Variants in SLC19A3 observed in about 807,000 individuals in gnomAD.
SLC19A3 encodes solute carrier family 19 member 3, also known as thiamine transporter 2.
A neutral mutation model predicts 40.2 loss-of-function variants in SLC19A3; 31 were observed. The observed-to-expected ratio is 0.77, with a 90% CI of 0.58 to 1.04. The LOEUF is 1.04. SLC19A3 is among the 50% of genes least tolerant of loss of function. The pLI is 0.00. For synonymous variants in SLC19A3, 212 were observed against 227.5 expected, an observed-to-expected ratio of 0.93 and a Z score of 0.61; for missense variants, 592 against 596.7, an observed-to-expected ratio of 0.99 and a Z score of 0.08.
At chr2:227,696,156 A>T in intron 3 of SLC19A3, 75 bp from the exon 4 acceptor site, 1 of 1,424,072 alleles carries the variant, frequency 7.0e-7, no homozygotes, top group South Asian at 1.2e-5. Context: ...TCTCTTAAAA[A>T]CCCAGGTCTC....
At position 227,714,451 on chromosome 2, in the gene SLC19A3, GT is replaced by G. The variant is rs1211949590; in HGVS notation, c.-3+3491del. 20 of 985,362 alleles carry G rather than the reference GT, an allele frequency of 2.0e-5. No homozygotes were observed. The South Asian group carries it at 6.6e-4, about 32-fold the overall frequency. 61.0% of individuals were successfully genotyped at this position (985,362 alleles called of 1,614,324 possible). A position where few individuals can be genotyped will look rare whatever the true frequency, so the allele number is the denominator to read the frequency against. ...GGCAGGAGGATCCCTTGAGTTACCT[GT>G]TTTTTTCTGTGCCCCCAGTTTCTTT... On this transcript the variant is annotated intron_variant, in intron 1 of 5. Coordinates refer to ENST00000644224, the MANE Select transcript of SLC19A3 (RefSeq NM_025243.4).
At chr2:227,692,187 G>A (rs1438978839) in intron 4 of SLC19A3, among the ~76,000 whole-genome samples, 1 of 151,886 alleles carries the variant, frequency 6.6e-6, no homozygotes. Flanking sequence ...ACAGAGGAGG[G>A]AATACTTCCA....
At chr2:227,699,641 T>C in intron 2 of SLC19A3, 77 bp from the exon 3 acceptor site, 1 of 1,191,304 alleles carries the variant, frequency 8.4e-7, no homozygotes, top group Non-Finnish European at 1.2e-6. Context: ...TCTCAAATTC[T>C]GCCTCCAATT....
At chr2:227,704,175 AG>A (rs1695832278) in intron 1 of SLC19A3, among the ~76,000 whole-genome samples, 1 of 152,038 alleles carries the variant, frequency 6.6e-6, no homozygotes, top group Admixed American at 6.5e-5. Context: ...AAAAGAGAGA[AG>A]TGTCAGGAAC....
At chr2:227,690,394 A>T (rs1695175259) in intron 4 of SLC19A3, among the ~76,000 whole-genome samples, 1 of 152,174 alleles carries the variant, frequency 6.6e-6, no homozygotes, top group Admixed American at 6.5e-5. Flanking sequence ...AAAAGGGTCA[A>T]TTCAGCAAGA....
rs1694974482 is a variant in SLC19A3 at position 227,685,276 on chromosome 2, T to C, written c.*2121A>G. The C allele has an allele frequency of 6.6e-6, 1 of 152,300 alleles. No individual in the cohort carries two copies. The highest frequency in any genetic ancestry group is 6.5e-5 in the Admixed American group (1 of 15,284). 9.4% of individuals were successfully genotyped at this position (152,300 alleles called of 1,614,324 possible). ...TAGGAAGCGTGGCAACATCTGCTTC[T>C]AGGGAGTCCTCGGGGAATTTTTACT... On this transcript the variant is annotated 3_prime_UTR_variant, in exon 6 of 6. Transcript: ENST00000644224.
chr2:227,717,568 C>T (rs1696375975), intron 1 of SLC19A3, among the ~76,000 whole-genome samples: 1 of 152,162 alleles, frequency 6.6e-6, no homozygotes, highest in African/African-American at 2.4e-5. Flanking sequence ...TCCTTTTTCC[C>T]ACTAGGAAGG....
intron 3 of SLC19A3, 110 bp downstream of exon 3, chr2:227,698,626 T>G: frequency 2.0e-6 from 2 of 1,012,744 alleles, no homozygotes. Context: ...CTGAAAAAAG[T>G]TATGCTTCCT....
chr2:227,704,475 G>A lies in SLC19A3; in HGVS notation c.-2-2155C>T, dbSNP rs1695852126. Among the ~76,000 whole-genome samples, 4 of 152,156 alleles carry A rather than the reference G, an allele frequency of 2.6e-5. No homozygotes were observed. In the South Asian group the frequency reaches 8.3e-4, roughly 32 times the overall value. ...TCTGTGAGGCACATGGAGGTGGTAT[G>A]GTTGTCACTGGATAGATGGGGAAAT... On this transcript the variant is annotated intron_variant, in intron 1 of 5. Coordinates refer to ENST00000644224, the MANE Select transcript of SLC19A3 (RefSeq NM_025243.4).
Position 227,714,387 on chromosome 2 carries a change from T to C in SLC19A3, c.-3+3556A>G, listed in dbSNP as rs948019994. 6.1e-6 allele frequency: 6 copies of C among 977,782 alleles called. No homozygotes were observed. In the African/African-American group the frequency reaches 1.1e-4, roughly 17 times the overall value. The allele number at this position is 977,782 out of a possible 1,614,324, so 60.6% of individuals were successfully genotyped here. A position where few individuals can be genotyped will look rare whatever the true frequency, so the allele number is the denominator to read the frequency against. Reference sequence around the variant, plus strand: ...GTAAGTCTGGCCACATATAACATTTTTCAGTTAATACAGATAGAATCTGAA... The same window carrying C: ...GTAAGTCTGGCCACATATAACATTTCTCAGTTAATACAGATAGAATCTGAA... On this transcript the variant is annotated intron_variant, in intron 1 of 5. Transcript: ENST00000644224.
chr2:227,695,882 A>G lies in SLC19A3; in HGVS notation c.1172+7T>C. 6.2e-7 allele frequency: 1 copy of G among 1,613,776 alleles called. No individual in the cohort carries two copies. The highest frequency in any genetic ancestry group is 8.5e-7 in the Non-Finnish European group (1 of 1,179,930). ...GTTCAGTTTTAGGAGTGGTTGGTAA[A>G]ACTTACACTGCTATGGTTATAAGAA... On this transcript the variant is annotated splice_region_variant and intron_variant, in intron 4 of 5. Coordinates refer to ENST00000644224, the MANE Select transcript of SLC19A3 (RefSeq NM_025243.4).
intron 1 of SLC19A3, among the ~76,000 whole-genome samples, chr2:227,712,081 A>G (rs764950175): frequency 3.0e-5 from 4 of 133,258 alleles, no homozygotes; most frequent in Non-Finnish European, 3.2e-5. Context: ...AAAAAAAGCC[A>G]CATCTGCTTC....
In SLC19A3 at chr2:227,698,867, A is replaced by G. The variant is rs1695551863; in HGVS notation, c.848T>C (p.Leu283Pro). The change falls in exon 3 of 6, where the codon CTA becomes CCA. Residue 283 changes from leucine to proline, a missense_variant. Coordinates refer to ENST00000644224, the MANE Select transcript of SLC19A3 (RefSeq NM_025243.4). The stretch of plus-strand genomic sequence containing the variant: ...ACCTGCTGTGGCGAAAGCCCACCAT[A>G]GAGACCAGTAGAAAAGACGTTTTGA... Reference protein sequence around the residue: ...YSSKRLFYWSLWWAFATAGFN... With the variant: ...YSSKRLFYWSPWWAFATAGFN... 1.2e-6 allele frequency: 2 copies of G among 1,614,162 alleles called. No individual in the cohort carries two copies. The highest frequency in any genetic ancestry group is 1.7e-6 in the Non-Finnish European group (2 of 1,179,998).
rs1695712553 is a variant in SLC19A3 at position 227,701,969 on chromosome 2, A to G, written c.150+200T>C. 2.5e-5 allele frequency: 14 copies of G among 566,654 alleles called. No individual in the cohort carries two copies. In the South Asian group the frequency reaches 2.9e-4, roughly 12 times the overall value. The allele number at this position is 566,654 out of a possible 1,614,324, so 35.1% of individuals were successfully genotyped here. A position where few individuals can be genotyped will look rare whatever the true frequency, so the allele number is the denominator to read the frequency against. On this transcript the variant is annotated intron_variant, in intron 2 of 5. Transcript: ENST00000644224. ...AAGTTAAAAATTTGTTAACACATGT[A>G]ATATGTTTTGGCTGCAATTTTTTGC...
At chr2:227,712,015 A>G (rs6760218) in intron 1 of SLC19A3, among the ~76,000 whole-genome samples, 2,071 of 125,344 alleles carry the variant, frequency 0.017, 47 homozygotes, top group African/African-American at 0.057. Flanking sequence ...CCGCTATTGC[A>G]CTCCAGCCTG....
intron 3 of SLC19A3, among the ~76,000 whole-genome samples, chr2:227,696,868 C>A (rs1695458665): frequency 6.6e-6 from 1 of 152,054 alleles, no homozygotes; most frequent in African/African-American, 2.4e-5. Flanking sequence ...GAGTTAGAGA[C>A]CAGCCTGGCC....
chr2:227,710,136 A>G (rs1048436158), intron 1 of SLC19A3, among the ~76,000 whole-genome samples: 2 of 151,808 alleles, frequency 1.3e-5, no homozygotes, highest in African/African-American at 4.8e-5. Flanking sequence ...CTTGCCCGCC[A>G]CTCACCTCCT....
In SLC19A3 at chr2:227,716,136, C is replaced by A. The variant is rs191994963; in HGVS notation, c.-3+1807G>T. 2.4e-4 allele frequency among the ~76,000 whole-genome samples: 37 copies of A among 152,184 alleles called. 1 individual carries two copies. In the East Asian group the frequency reaches 7.1e-3, roughly 29 times the overall value. ...ATTAGAGGTCATTTGAGCTATTTTA[C>A]AACTCTGTAAATTTTAACAACTGAT... On this transcript the variant is annotated intron_variant, in intron 1 of 5. Coordinates refer to ENST00000644224, the MANE Select transcript of SLC19A3 (RefSeq NM_025243.4).
At chr2:227,712,006 C>G (rs1475307088) in intron 1 of SLC19A3, among the ~76,000 whole-genome samples, 1 of 137,078 alleles carries the variant, frequency 7.3e-6, no homozygotes, top group Non-Finnish European at 1.5e-5. Flanking sequence ...GCCGAGATCC[C>G]GCTATTGCAC....
Sources: gnomAD v4.1 joint callset for allele counts (sites outside exome capture counted in the v4.1 genomes callset) on GRCh38, gnomAD v4.1.1 for gene constraint, MANE v1.5 for transcripts, NCBI Gene and HGNC (gene_info 2026-07-23, HGNC 2026-07-21) for gene names.